The following YEATS4 variants were observed in gnomAD, a reference collection of about 807,000 sequenced individuals.
YEATS4 encodes the protein YEATS domain containing 4.
A neutral mutation model predicts 30.1 loss-of-function variants in YEATS4; 17 were observed. That is an observed-to-expected ratio of 0.56 (90% CI 0.39 to 0.85). The LOEUF is 0.85. Ranked by LOEUF, YEATS4 falls within the 40% of genes least tolerant of loss-of-function variation. The probability of loss-of-function intolerance (pLI) is 0.00; values close to 1 mark genes in which losing one functional copy is unlikely to be tolerated. For missense variants in YEATS4, 142 were observed against 268.3 expected, an observed-to-expected ratio of 0.53 and a Z score of 3.29; for synonymous variants, 85 against 87.5, an observed-to-expected ratio of 0.97 and a Z score of 0.16.
chr12:69,388,430 T>G (rs1592861377), intron 6 of YEATS4, among the ~76,000 whole-genome samples: 1 of 152,346 alleles, frequency 6.6e-6, no homozygotes, highest in East Asian at 1.9e-4. Context: ...TTATTTGAAA[T>G]CAGATCTTTT....
downstream of YEATS4, among the ~76,000 whole-genome samples, chr12:69,394,617 GTGTTTGTTTGTT>G (rs60206769): frequency 3.3e-5 from 5 of 151,440 alleles, no homozygotes; most frequent in Admixed American, 2.0e-4. Context: ...TGGAGATAGT[GTGTTTGTTTGTT>G]TGTTTGTTTG....
the YEATS4 span, among the ~76,000 whole-genome samples, chr12:69,396,804 C>G: frequency 6.6e-6 from 1 of 152,158 alleles, no homozygotes; most frequent in Non-Finnish European, 1.5e-5. Context: ...ATTCTGTAAA[C>G]TTCCATCCAT....
intron 5 of YEATS4, 38 bp downstream of exon 5, chr12:69,370,836 G>A: frequency 6.3e-7 from 1 of 1,597,174 alleles, no homozygotes; most frequent in Non-Finnish European, 8.5e-7. Flanking sequence ...AAAAGCATTT[G>A]AAGTTGGAGA....
intron 2 of YEATS4, among the ~76,000 whole-genome samples, chr12:69,363,552 C>A (rs1018699866): frequency 1.3e-5 from 2 of 152,112 alleles, no homozygotes; most frequent in African/African-American, 4.8e-5. Context: ...AGCAGCTAAT[C>A]CTTAAAGTAA....
chr12:69,362,848 A>T lies in YEATS4; in HGVS notation c.112A>T (p.Arg38Ter). 2 of 1,612,736 alleles carry T rather than the reference A, an allele frequency of 1.2e-6. No homozygotes were observed. The highest frequency in any genetic ancestry group is 1.3e-5 in the African/African-American group (1 of 75,012). ...GNVARYFGKK[R>*]EEDGHTHQWT... ...TGTTGCTCGGTATTTTGGAAAGAAA[A>T]GAGAAGAAGATGGGCACACTCATCA... Residue 38 changes from arginine (R) to a stop codon, truncating the protein, a stop_gained, in exon 2 of 7, where the codon AGA becomes TGA. Coordinates refer to ENST00000247843, the MANE Select transcript of YEATS4 (RefSeq NM_006530.4). LOFTEE classifies it high-confidence loss of function.
At chr12:69,362,261 A>G (rs1273418772) in intron 1 of YEATS4, among the ~76,000 whole-genome samples, 2 of 151,608 alleles carry the variant, frequency 1.3e-5, no homozygotes, top group African/African-American at 4.8e-5. Context: ...CAGGTGATCC[A>G]CCCACCTTGG....
chr12:69,404,215 A>G, the YEATS4 span, among the ~76,000 whole-genome samples: 2 of 152,188 alleles, frequency 1.3e-5, no homozygotes, highest in South Asian at 4.1e-4. Flanking sequence ...TCAATTGAGC[A>G]TGTTCCAAGC....
chr12:69,367,038 C>A (rs955805703), intron 4 of YEATS4, among the ~76,000 whole-genome samples: 1 of 152,170 alleles, frequency 6.6e-6, no homozygotes, highest in Non-Finnish European at 1.5e-5. Flanking sequence ...TTACTCTTTT[C>A]TTCCTACGTA....
chr12:69,387,936 A>G (rs1868270714), intron 6 of YEATS4, among the ~76,000 whole-genome samples: 1 of 152,252 alleles, frequency 6.6e-6, no homozygotes, highest in Non-Finnish European at 1.5e-5. Context: ...TTTGTAAAAG[A>G]ATGAAAAGAA....
chr12:69,381,301 T>C (rs1876065884), intron 6 of YEATS4, among the ~76,000 whole-genome samples: 1 of 152,246 alleles, frequency 6.6e-6, no homozygotes, highest in South Asian at 2.1e-4. Context: ...TTCTGTCATT[T>C]GCTTTTGAAA....
intron 6 of YEATS4, among the ~76,000 whole-genome samples, chr12:69,385,853 T>G (rs1876256518): frequency 6.6e-6 from 1 of 152,204 alleles, no homozygotes; most frequent in African/African-American, 2.4e-5. Context: ...AGGAGGAAGA[T>G]ACTATGATTA....
rs773900414 is a variant in YEATS4, at chr12:69,390,326, A to G, written c.*10A>G. On this transcript the variant is annotated 3_prime_UTR_variant, in exon 7 of 7. Coordinates refer to ENST00000247843, the MANE Select transcript of YEATS4 (RefSeq NM_006530.4). ...AGCAAAAGACATATAAACAGTTCTC[A>G]TGAGAACTTGGTAGTAAGCTAAACT... The G allele has an allele frequency of 6.4e-7, 1 of 1,556,736 alleles. No homozygotes were observed. Among genetic ancestry groups the G allele is most frequent in the African/African-American group, 1.4e-5 (1 of 71,598 alleles).
At chr12:69,403,508 C>T in the YEATS4 span, among the ~76,000 whole-genome samples, 1 of 148,716 alleles carries the variant, frequency 6.7e-6, no homozygotes, top group South Asian at 2.1e-4. Flanking sequence ...ACCTGAGAGG[C>T]AGAGGTTGCA....
At chr12:69,426,539 T>A in the YEATS4 span, among the ~76,000 whole-genome samples, 1 of 152,078 alleles carries the variant, frequency 6.6e-6, no homozygotes. Context: ...CCTGGCTAAT[T>A]TTTGTACTTT....
rs1592844318 is a variant in YEATS4, at chr12:69,359,793, C to T, written c.-180C>T. On this transcript the variant is annotated 5_prime_UTR_variant, in exon 1 of 7. Coordinates refer to ENST00000247843, the MANE Select transcript of YEATS4 (RefSeq NM_006530.4). ...CGCGGGCCTGAATGGCCTTCAGGAG[C>T]ACAGTCGGCCTGAGGAGTTGACGGT... The T allele has an allele frequency of 4.5e-6, 3 of 670,736 alleles. No individual in the cohort carries two copies. The highest frequency in any genetic ancestry group is 7.4e-6 in the Non-Finnish European group (3 of 407,934). 41.5% of individuals were successfully genotyped at this position (670,736 alleles called of 1,614,324 possible). A position where few individuals can be genotyped will look rare whatever the true frequency, so the allele number is the denominator to read the frequency against.
chr12:69,363,833 A>C (rs1463674555), intron 2 of YEATS4, among the ~76,000 whole-genome samples: 1 of 152,252 alleles, frequency 6.6e-6, no homozygotes, highest in South Asian at 2.1e-4. Flanking sequence ...ATGGATAAAT[A>C]AAATGTGATA....
chr12:69,405,967 C>T, the YEATS4 span, among the ~76,000 whole-genome samples: 1 of 152,158 alleles, frequency 6.6e-6, no homozygotes, highest in Non-Finnish European at 1.5e-5. Flanking sequence ...TGCAAATAAG[C>T]ACATACAACT....
chr12:69,409,013 T>C, the YEATS4 span, among the ~76,000 whole-genome samples: 1 of 152,240 alleles, frequency 6.6e-6, no homozygotes, highest in East Asian at 1.9e-4. Flanking sequence ...TTCTCTTGTT[T>C]ACAATCGAGA....
chr12:69,367,049 G>A (rs1167060122), intron 4 of YEATS4, among the ~76,000 whole-genome samples: 1 of 152,156 alleles, frequency 6.6e-6, no homozygotes, highest in African/African-American at 2.4e-5. Flanking sequence ...TTCCTACGTA[G>A]GAATTTATTT....
Sources: allele counts gnomAD v4.1 joint callset (sites outside exome capture counted in the v4.1 genomes callset), GRCh38; gene constraint gnomAD v4.1.1; transcripts MANE v1.5; gene names NCBI Gene and HGNC (gene_info 2026-07-23, HGNC 2026-07-21).